The following UTP18 variants were observed in gnomAD, a reference collection of about 807,000 sequenced individuals.
UTP18 encodes UTP18 small subunit processome component.
In UTP18, 36 loss-of-function variants were observed where a neutral mutation model predicts 61.1. That is an observed-to-expected ratio of 0.59 (90% CI 0.45 to 0.78). The LOEUF (loss-of-function observed/expected upper bound fraction) is 0.78, where lower values mean the gene tolerates loss of function less well. Among genes scored for constraint, UTP18 ranks in the 30% least tolerant of loss-of-function variants. The pLI, the probability that UTP18 is intolerant of heterozygous loss-of-function variation, is 0.00. For synonymous variants in UTP18, 282 were observed against 251.1 expected, an observed-to-expected ratio of 1.12 and a Z score of -1.16; for missense variants, 753 against 693.9, an observed-to-expected ratio of 1.09 and a Z score of -0.96.
intron 11 of UTP18, chr17:51,288,575 A>G (rs761133457): frequency 4.4e-6 from 2 of 457,544 alleles, no homozygotes; most frequent in Admixed American, 2.3e-5. Context: ...AACGGAGGCA[A>G]TTCTCGGGTT....
chr17:51,268,314 T>C (rs8076318), intron 3 of UTP18, among the ~76,000 whole-genome samples: 97,667 of 151,946 alleles, frequency 0.64, 32,019 homozygotes, highest in African/African-American at 0.78. Flanking sequence ...GCGTGAGCCA[T>C]GGCGCCCGGC....
chr17:51,267,710 G>T (rs1265807142), intron 3 of UTP18, among the ~76,000 whole-genome samples: 15 of 152,036 alleles, frequency 9.9e-5, no homozygotes, highest in Non-Finnish European at 4.4e-5. Context: ...AGTTGTATCA[G>T]TCTCTTTCAA....
chr17:51,276,855 G>A (rs983836192), intron 6 of UTP18, among the ~76,000 whole-genome samples: 3 of 152,200 alleles, frequency 2.0e-5, no homozygotes, highest in South Asian at 2.1e-4. Flanking sequence ...GGGAAGGAGC[G>A]TGGAGCTTCC....
At chr17:51,267,976 C>T (rs1456554486) in intron 3 of UTP18, among the ~76,000 whole-genome samples, 5 of 151,294 alleles carry the variant, frequency 3.3e-5, no homozygotes, top group Non-Finnish European at 5.9e-5. Context: ...TTGCCCTCTT[C>T]CAGGTACCAG....
intron 5 of UTP18, among the ~76,000 whole-genome samples, chr17:51,274,969 G>A (rs192159695): frequency 0.014 from 2,139 of 151,694 alleles, 32 homozygotes; most frequent in Non-Finnish European, 0.021. Flanking sequence ...AGGCCGAGGC[G>A]GGCAGATCAC....
Position 51,277,266 on chromosome 17 carries a change from T to C in UTP18, c.974T>C (p.Met325Thr), listed in dbSNP as rs1005691216. The C allele has an allele frequency of 6.2e-7, 1 of 1,614,178 alleles. No individual in the cohort carries two copies. The highest frequency in any genetic ancestry group is 1.7e-5 in the Admixed American group (1 of 60,024). The change falls in exon 7 of 14, where the codon ATG becomes ACG. Residue 325 changes from methionine to threonine, a missense_variant. Physicochemically the swap from Met to Thr is moderately conservative, Grantham distance 81. Transcript: ENST00000225298. Reference protein sequence around the residue: ...THSKVLYVYDMLAGKLIPVHQ... With the variant: ...THSKVLYVYDTLAGKLIPVHQ... ...AGCAAGGTTCTTTATGTCTATGACA[T>C]GCTGGCTGGAAAGTTAATTCCTGTG...
chr17:51,292,164 A>T (rs912052611), intron 11 of UTP18, among the ~76,000 whole-genome samples: 2 of 152,232 alleles, frequency 1.3e-5, no homozygotes, highest in African/African-American at 2.4e-5. Context: ...TCTCTCTGTA[A>T]AACAGGAGTC....
intron 10 of UTP18, 95 bp downstream of exon 10, chr17:51,285,463 C>G: frequency 2.8e-6 from 4 of 1,406,254 alleles, no homozygotes; most frequent in Non-Finnish European, 3.8e-6. Context: ...GAGTAGTTCT[C>G]TTTATAAACT....
intron 2 of UTP18, among the ~76,000 whole-genome samples, chr17:51,264,678 A>C (rs981012702): frequency 1.4e-4 from 21 of 146,710 alleles, no homozygotes; most frequent in African/African-American, 4.8e-4. Context: ...TTTTGTGTTT[A>C]GTCATTGTCT....
chr17:51,261,024 CGGGGA>C, intron 1 of UTP18, 98 bp downstream of exon 1: 1 of 1,163,978 alleles, frequency 8.6e-7, no homozygotes. Flanking sequence ...CCTGCGGCGG[CGGGGA>C]GCGCTCAGGT....
At chr17:51,262,262 C>A (rs940319205) in intron 1 of UTP18, among the ~76,000 whole-genome samples, 2 of 151,538 alleles carry the variant, frequency 1.3e-5, no homozygotes, top group African/African-American at 4.8e-5. Context: ...TTTTTTGTAT[C>A]TTTAGTAGAA....
At chr17:51,296,328 G>A (rs951237357) in intron 12 of UTP18, 2 of 152,152 alleles carry the variant, frequency 1.3e-5, no homozygotes, top group Non-Finnish European at 2.9e-5. Flanking sequence ...CTTTCAAAAC[G>A]GACTAAAATC....
At chr17:51,272,747 A>G (rs535131477) in intron 4 of UTP18, among the ~76,000 whole-genome samples, 21 of 152,324 alleles carry the variant, frequency 1.4e-4, no homozygotes, top group South Asian at 4.1e-4. Flanking sequence ...TGTGGCCGCA[A>G]TCCAAAATCT....
intron 3 of UTP18, among the ~76,000 whole-genome samples, chr17:51,267,993 T>TTTTTTTG (rs934712351): frequency 1.4e-5 from 2 of 144,460 alleles, no homozygotes; most frequent in Non-Finnish European, 3.0e-5. Context: ...CCAGTTGTTG[T>TTTTTTTG]TTTTTTGTTT....
intron 12 of UTP18, 91 bp from the exon 13 acceptor site, chr17:51,296,873 TA>T: frequency 7.9e-7 from 1 of 1,260,754 alleles, no homozygotes. Context: ...TTTTTCCCAC[TA>T]AAATCTTCCT....
chr17:51,263,622 T>C (rs1398584317), intron 2 of UTP18, among the ~76,000 whole-genome samples: 1 of 152,208 alleles, frequency 6.6e-6, no homozygotes, highest in Admixed American at 6.5e-5. Context: ...GCTAAGAGAA[T>C]ACAGTGTTTG....
At chr17:51,296,839 G>A in intron 12 of UTP18, 126 bp from the exon 13 acceptor site, 1 of 843,686 alleles carries the variant, frequency 1.2e-6, no homozygotes, top group Non-Finnish European at 1.8e-6. Flanking sequence ...CTAACTGCCT[G>A]GTGTGAATGA....
intron 4 of UTP18, among the ~76,000 whole-genome samples, chr17:51,269,325 A>C (rs905720272): frequency 7.1e-6 from 1 of 139,882 alleles, no homozygotes; most frequent in African/African-American, 2.7e-5. Flanking sequence ...AAAAAAAAAA[A>C]ACCAAAAAAA....
At chr17:51,296,788 G>T (rs1905378540) in intron 12 of UTP18, 177 bp from the exon 13 acceptor site, 3 of 545,382 alleles carry the variant, frequency 5.5e-6, no homozygotes, top group African/African-American at 2.0e-5. Context: ...AAAATCTGAG[G>T]CGTTCAGATC....
Sources: allele counts gnomAD v4.1 joint callset (sites outside exome capture counted in the v4.1 genomes callset), GRCh38; gene constraint gnomAD v4.1.1; transcripts MANE v1.5; gene names NCBI Gene and HGNC (gene_info 2026-07-23, HGNC 2026-07-21).